The following PKHD1 variants were observed in gnomAD, a reference collection of about 807,000 sequenced individuals.
PKHD1 encodes PKHD1 ciliary IPT domain containing fibrocystin/polyductin, also known as fibrocystin.
In PKHD1, 291 loss-of-function variants were observed where a neutral mutation model predicts 412.0. The ratio of observed to expected loss-of-function variants is 0.71; its 90% confidence interval spans 0.64 to 0.78. The LOEUF (loss-of-function observed/expected upper bound fraction) is 0.78. PKHD1 is among the 30% of genes least tolerant of loss of function. The pLI is 0.00. For missense variants in PKHD1, 4,825 were observed against 4,950.7 expected, an observed-to-expected ratio of 0.97 and a Z score of 0.76; for synonymous variants, 1,777 against 1,821.5, an observed-to-expected ratio of 0.98 and a Z score of 0.62.
chr6:51,708,190 T>C (rs1166460933), intron 60 of PKHD1, among the ~76,000 whole-genome samples: 1 of 152,184 alleles, frequency 6.6e-6, no homozygotes, highest in Non-Finnish European at 1.5e-5. Flanking sequence ...AGCCACTCAG[T>C]TGTTTAAGGA....
chr6:51,959,630 C>A (rs1791693388), intron 36 of PKHD1, among the ~76,000 whole-genome samples: 1 of 152,040 alleles, frequency 6.6e-6, no homozygotes, highest in Admixed American at 6.6e-5. Flanking sequence ...ACACTGTTAA[C>A]CTTCTTGTTT....
chr6:51,749,194 C>A (rs1785683911), intron 57 of PKHD1, among the ~76,000 whole-genome samples: 1 of 152,112 alleles, frequency 6.6e-6, no homozygotes, highest in South Asian at 2.1e-4. Flanking sequence ...CCTGATATTC[C>A]ATACATGCTT....
intron 48 of PKHD1, among the ~76,000 whole-genome samples, chr6:51,863,535 G>A (rs527400512): frequency 2.6e-5 from 4 of 152,116 alleles, no homozygotes; most frequent in Non-Finnish European, 4.4e-5. Flanking sequence ...ATTCCACCAG[G>A]ACAAGAAAAC....
At chr6:51,781,470 AAT>A (rs1396645945) in intron 53 of PKHD1, among the ~76,000 whole-genome samples, 2 of 152,128 alleles carry the variant, frequency 1.3e-5, no homozygotes, top group Non-Finnish European at 2.9e-5. Flanking sequence ...TAAACATGAA[AAT>A]ATGTTATTCA....
chr6:52,006,891 C>A (rs751323347), intron 35 of PKHD1, among the ~76,000 whole-genome samples: 1 of 152,086 alleles, frequency 6.6e-6, no homozygotes, highest in Non-Finnish European at 1.5e-5. Context: ...CATTCTTATG[C>A]CTTTGCATCT....
chr6:52,058,960 T>A (rs375505902), intron 15 of PKHD1, among the ~76,000 whole-genome samples: 2 of 152,190 alleles, frequency 1.3e-5, no homozygotes, highest in African/African-American at 2.4e-5. Context: ...TCAAAATCTA[T>A]GACATTTCTC....
At chr6:52,016,583 C>T (rs1164292075) in intron 34 of PKHD1, among the ~76,000 whole-genome samples, 1 of 148,252 alleles carries the variant, frequency 6.7e-6, no homozygotes, top group East Asian at 2.0e-4. Flanking sequence ...TTGCAATGAA[C>T]CGAGATCATG....
intron 48 of PKHD1, 71 bp from the exon 49 acceptor site, chr6:51,856,141 T>A (rs1773271524): frequency 6.7e-6 from 6 of 898,004 alleles, no homozygotes; most frequent in South Asian, 1.3e-5. Context: ...AATACATTCC[T>A]CTTTCATCAA....
At chr6:52,031,019 T>C (rs1802960315) in intron 29 of PKHD1, among the ~76,000 whole-genome samples, 1 of 152,200 alleles carries the variant, frequency 6.6e-6, no homozygotes, top group South Asian at 2.1e-4. Context: ...GGGCCTTTCT[T>C]TGGCTTGTTT....
At chr6:51,753,447 T>C in intron 56 of PKHD1, 94 bp from the exon 57 acceptor site, 2 of 978,836 alleles carry the variant, frequency 2.0e-6, no homozygotes, top group Non-Finnish European at 1.6e-6. Flanking sequence ...AATGAAAACA[T>C]CCTTTCCCCT....
chr6:52,043,864 T>G (rs909093512), intron 25 of PKHD1, 134 bp from the exon 26 acceptor site: 1 of 656,262 alleles, frequency 1.5e-6, no homozygotes, highest in Non-Finnish European at 2.8e-6. Context: ...TTTCTATTTT[T>G]CCAGTAATTA....
chr6:51,868,216 A>G, intron 47 of PKHD1, 107 bp from the exon 48 acceptor site: 1 of 1,037,618 alleles, frequency 9.6e-7, no homozygotes. Flanking sequence ...CTAGTTTTAC[A>G]ATTCACCTAT....
At chr6:51,735,776 T>TG (rs1554212197) in intron 60 of PKHD1, among the ~76,000 whole-genome samples, 42 of 151,066 alleles carry the variant, frequency 2.8e-4, no homozygotes, top group Non-Finnish European at 5.6e-4. Flanking sequence ...AAATTTTTTT[T>TG]AAAAAAAACT....
intron 36 of PKHD1, among the ~76,000 whole-genome samples, chr6:51,949,319 G>A (rs1216491993): frequency 6.6e-6 from 1 of 152,134 alleles, no homozygotes; most frequent in African/African-American, 2.4e-5. Flanking sequence ...TGGAGAAAAG[G>A]AATCATCCAT....
intron 35 of PKHD1, among the ~76,000 whole-genome samples, chr6:52,005,244 T>C (rs1243320151): frequency 6.6e-6 from 1 of 152,216 alleles, no homozygotes; most frequent in Non-Finnish European, 1.5e-5. Context: ...CTCGTCGGTT[T>C]ACCAATCAGT....
chr6:51,844,361 G>A (rs1770779979), intron 50 of PKHD1, among the ~76,000 whole-genome samples: 1 of 152,236 alleles, frequency 6.6e-6, no homozygotes, highest in South Asian at 2.1e-4. Flanking sequence ...TGTTTGCTGA[G>A]CAAAGGCAAA....
At chr6:51,998,840 T>A (rs6916811) in intron 35 of PKHD1, among the ~76,000 whole-genome samples, 63,107 of 151,980 alleles carry the variant, frequency 0.42, 15,141 homozygotes, top group Admixed American at 0.56. Context: ...TATCTTCTCA[T>A]CTGCACACTT....
chr6:51,953,319 A>G (rs888849775), intron 36 of PKHD1, among the ~76,000 whole-genome samples: 6 of 152,132 alleles, frequency 3.9e-5, no homozygotes, highest in African/African-American at 7.2e-5. Context: ...ATTGTTGAAT[A>G]TCATATTTTT....
chr6:51,913,906 C>T (rs1783375307), intron 37 of PKHD1, among the ~76,000 whole-genome samples: 1 of 151,816 alleles, frequency 6.6e-6, no homozygotes, highest in African/African-American at 2.4e-5. Context: ...ATAAATCATC[C>T]CAAAAGAAAA....
Sources: allele counts gnomAD v4.1 joint callset (sites outside exome capture counted in the v4.1 genomes callset), GRCh38; gene constraint gnomAD v4.1.1; transcripts MANE v1.5; gene names NCBI Gene and HGNC (gene_info 2026-07-23, HGNC 2026-07-21).